ARNT2: variants seen among roughly 807,000 people sequenced by gnomAD.
The protein encoded by ARNT2 is ARNT protein 2.
Under a neutral mutation model 91.7 loss-of-function variants are expected in ARNT2, and 36 were observed. The observed-to-expected ratio is 0.39, with a 90% CI of 0.30 to 0.52. The LOEUF is 0.52. Ranked by LOEUF, ARNT2 falls within the 20% of genes least tolerant of loss-of-function variation. The pLI is 0.72. For synonymous variants in ARNT2, 365 were observed against 347.1 expected (o/e 1.05, Z -0.57); for missense variants, 775 against 939.3 (o/e 0.83, Z 2.29).
intron 1 of ARNT2, among the ~76,000 whole-genome samples, chr15:80,421,570 AC>A (rs1476603289): frequency 6.6e-6 from 1 of 152,184 alleles, no homozygotes; most frequent in Admixed American, 6.5e-5. Flanking sequence ...GAAACAATGC[AC>A]CGAATGACAT....
chr15:80,547,233 G>T (rs1225337978), intron 8 of ARNT2, among the ~76,000 whole-genome samples: 3 of 152,156 alleles, frequency 2.0e-5, no homozygotes, highest in Non-Finnish European at 4.4e-5. Context: ...GGCGTAAAAA[G>T]CATTGGTGGG....
chr15:80,491,291 G>A (rs1311358631), intron 5 of ARNT2, among the ~76,000 whole-genome samples: 1 of 152,220 alleles, frequency 6.6e-6, no homozygotes, highest in Non-Finnish European at 1.5e-5. Flanking sequence ...ATGGCAGAAG[G>A]CAAGGAGGAA....
At position 80,475,005 on chromosome 15, in the gene ARNT2, T is replaced by A; in HGVS notation, c.409-5T>A. The A allele has an allele frequency of 1.2e-6, 2 of 1,613,956 alleles. No homozygotes were observed. Among genetic ancestry groups the A allele is most frequent in the Non-Finnish European group, 1.7e-6 (2 of 1,179,988 alleles). ...ATTGTGCCAATCATAATCTTTTCTTTATAGGAACTGAAGCATCTCATCCTT... is the reference window on the plus strand; with the variant it reads ...ATTGTGCCAATCATAATCTTTTCTTAATAGGAACTGAAGCATCTCATCCTT... On this transcript the variant is annotated splice_polypyrimidine_tract_variant and splice_region_variant and intron_variant, in intron 4 of 18. Coordinates refer to ENST00000303329, the MANE Select transcript of ARNT2 (RefSeq NM_014862.4).
At chr15:80,557,992 C>T (rs1222314551) in intron 11 of ARNT2, among the ~76,000 whole-genome samples, 1 of 152,226 alleles carries the variant, frequency 6.6e-6, no homozygotes, top group Non-Finnish European at 1.5e-5. Context: ...CCGTCTCATC[C>T]TCATGTGGAC....
intron 5 of ARNT2, among the ~76,000 whole-genome samples, chr15:80,489,146 G>C (rs1394645199): frequency 2.6e-5 from 4 of 152,160 alleles, no homozygotes; most frequent in Non-Finnish European, 4.4e-5. Flanking sequence ...GTTAAAAATA[G>C]CTTTGTTGCA....
chr15:80,480,608 C>T (rs146227610), intron 5 of ARNT2, among the ~76,000 whole-genome samples: 1 of 152,288 alleles, frequency 6.6e-6, no homozygotes, highest in Non-Finnish European at 1.5e-5. Context: ...ACTTCCATGG[C>T]TCTGTTTCTG....
At chr15:80,504,132 G>T (rs1230719517) in intron 5 of ARNT2, among the ~76,000 whole-genome samples, 1 of 152,214 alleles carries the variant, frequency 6.6e-6, no homozygotes, top group Non-Finnish European at 1.5e-5. Context: ...GGCTTGGGGA[G>T]GGTGACTTCT....
chr15:80,480,483 A>G (rs115917773), intron 5 of ARNT2, among the ~76,000 whole-genome samples: 4,491 of 152,234 alleles, frequency 0.03, 208 homozygotes, highest in African/African-American at 0.1. Context: ...GGTGACCTCA[A>G]GCACTGCCCT....
rs148661090 is a variant in ARNT2 at position 80,514,657 on chromosome 15, C to T, written c.877+252C>T. Reference sequence around the variant, plus strand: ...ATCCCAGCACTTTGGGGGGCCAAGGCGGGTGGATCACGAGATCAGGAGATG... The same window carrying T: ...ATCCCAGCACTTTGGGGGGCCAAGGTGGGTGGATCACGAGATCAGGAGATG... On this transcript the variant is annotated intron_variant, in intron 8 of 18. Transcript: ENST00000303329. Among the ~76,000 whole-genome samples, 153 of 152,260 alleles carry T rather than the reference C, an allele frequency of 1.0e-3. 1 individual carries two copies. The highest frequency in any genetic ancestry group is 3.6e-3 in the African/African-American group (151 of 41,546).
chr15:80,511,026 G>A lies in ARNT2; in HGVS notation c.725+2768G>A, dbSNP rs531301143. 3.9e-5 allele frequency among the ~76,000 whole-genome samples: 6 copies of A among 152,164 alleles called. No individual in the cohort carries two copies. The East Asian group carries it at 1.2e-3, about 29-fold the overall frequency. ...TTTGACCCAGCAATCCCATTCCTGG[G>A]TATATACCCAAAGAACTATAAATCA... is the stretch of plus-strand genomic sequence containing the variant. On this transcript the variant is annotated intron_variant, in intron 6 of 18. Coordinates refer to ENST00000303329, the MANE Select transcript of ARNT2 (RefSeq NM_014862.4).
At chr15:80,497,328 T>C (rs1168082377) in intron 5 of ARNT2, among the ~76,000 whole-genome samples, 1 of 152,242 alleles carries the variant, frequency 6.6e-6, no homozygotes, top group Non-Finnish European at 1.5e-5. Context: ...ACAAAAAGGA[T>C]TTGATAGGCC....
intron 8 of ARNT2, among the ~76,000 whole-genome samples, chr15:80,528,607 C>T (rs1897683095): frequency 6.6e-6 from 1 of 152,178 alleles, no homozygotes; most frequent in Non-Finnish European, 1.5e-5. Flanking sequence ...GTGGACCGCT[C>T]ATGAATATAT....
chr15:80,458,316 A>G (rs956509178), intron 3 of ARNT2, among the ~76,000 whole-genome samples: 4 of 152,224 alleles, frequency 2.6e-5, no homozygotes, highest in South Asian at 2.1e-4. Flanking sequence ...ATCTATTAAA[A>G]TTAATATTCA....
At chr15:80,559,165 G>A in intron 11 of ARNT2, among the ~76,000 whole-genome samples, 1 of 152,104 alleles carries the variant, frequency 6.6e-6, no homozygotes, top group East Asian at 1.9e-4. Context: ...TCAGACTGCT[G>A]ACGCTGTCAG....
intron 6 of ARNT2, among the ~76,000 whole-genome samples, chr15:80,512,771 G>A (rs1005946688): frequency 2.6e-5 from 4 of 152,144 alleles, no homozygotes; most frequent in Non-Finnish European, 5.9e-5. Flanking sequence ...TCACTGCCCC[G>A]TCAATGAAAT....
Position 80,596,948 on chromosome 15 carries a change from T to A in ARNT2, c.*3250T>A. On this transcript the variant is annotated 3_prime_UTR_variant, in exon 19 of 19. Coordinates refer to ENST00000303329, the MANE Select transcript of ARNT2 (RefSeq NM_014862.4). ...CCCAGTTTTATTTTTAGCTTTGGCTTCAGGGAGTGACAGCCATCACAAATA... is the reference window on the plus strand; with the variant it reads ...CCCAGTTTTATTTTTAGCTTTGGCTACAGGGAGTGACAGCCATCACAAATA... The A allele has an allele frequency of 5.6e-6, 2 of 354,666 alleles. No homozygotes were observed. Among genetic ancestry groups the A allele is most frequent in the Non-Finnish European group, 1.1e-5 (2 of 179,790 alleles). The allele number at this position is 354,666 out of a possible 1,614,324, so 22.0% of individuals were successfully genotyped here.
In ARNT2 at chr15:80,574,129, T is replaced by C. The variant is rs8040980; in HGVS notation, c.1317-19T>C. On this transcript the variant is annotated intron_variant, in intron 12 of 18. Coordinates refer to ENST00000303329, the MANE Select transcript of ARNT2 (RefSeq NM_014862.4). ...CCCTTCTGTTCTTCATGACCCTCTG[T>C]TGTCTTCTTGTTTCACAGGCAACTT... The C allele has an allele frequency of 4.5e-3, 7,262 of 1,612,680 alleles. 235 individuals are homozygous for C. The African/African-American group carries it at 0.073, about 16-fold the overall frequency.
intron 10 of ARNT2, 59 bp downstream of exon 10, chr15:80,552,833 A>G (rs1898107031): frequency 3.8e-6 from 6 of 1,577,652 alleles, no homozygotes; most frequent in Non-Finnish European, 5.2e-6. Context: ...TTTTTAAAAC[A>G]TTCTTACTTC....
chr15:80,568,208 C>T (rs1010037732), intron 12 of ARNT2, among the ~76,000 whole-genome samples: 3 of 152,312 alleles, frequency 2.0e-5, no homozygotes, highest in Admixed American at 6.5e-5. Context: ...AACTTTGAAA[C>T]GTGCCTTGGC....
Sources: gnomAD v4.1 joint callset for allele counts (sites outside exome capture counted in the v4.1 genomes callset) on GRCh38, gnomAD v4.1.1 for gene constraint, MANE v1.5 for transcripts, NCBI Gene and HGNC (gene_info 2026-07-23, HGNC 2026-07-21) for gene names.